WASF3: variants seen among roughly 807,000 people sequenced by gnomAD.
WASF3 encodes the protein WASP family member 3.
A neutral mutation model predicts 46.6 loss-of-function variants in WASF3; 11 were observed. That is an observed-to-expected ratio of 0.24 (90% CI 0.15 to 0.39). The LOEUF (loss-of-function observed/expected upper bound fraction) is 0.39. WASF3 is among the 10% of genes least tolerant of loss of function. The probability of loss-of-function intolerance (pLI) is 1.00; values close to 1 mark genes in which losing one functional copy is unlikely to be tolerated. For missense variants in WASF3, 576 were observed against 669.8 expected (o/e 0.86, Z 1.55); for synonymous variants, 242 against 259.7 (o/e 0.93, Z 0.65).
rs148741202 is a variant in WASF3 at position 26,607,864 on chromosome 13, A to G, written c.-108-5097A>G. On this transcript the variant is annotated intron_variant, in intron 1 of 9. Coordinates refer to ENST00000335327, the MANE Select transcript of WASF3 (RefSeq NM_006646.6). ...TTGCCCAGGCTGGTCTCAAACTCCT[A>G]GGCTTAAGAGATAATCCTACCTAGG... Among the ~76,000 whole-genome samples, 862 of 152,166 alleles carry G rather than the reference A, an allele frequency of 5.7e-3. 10 individuals are homozygous for G. Among genetic ancestry groups the G allele is most frequent in the African/African-American group, 0.02 (821 of 41,520 alleles).
intron 1 of WASF3, among the ~76,000 whole-genome samples, chr13:26,579,429 A>G (rs1368672326): frequency 1.3e-5 from 2 of 152,194 alleles, no homozygotes; most frequent in African/African-American, 2.4e-5. Flanking sequence ...TCCATGAAAT[A>G]TATAGGTGGG....
At chr13:26,680,066 A>G (rs1421898057) in intron 7 of WASF3, 1 of 1,597,708 alleles carries the variant, frequency 6.3e-7, no homozygotes, top group Non-Finnish European at 8.5e-7. Context: ...CCTAACAGAA[A>G]CCAGCAAGTA....
At position 26,570,733 on chromosome 13, in the gene WASF3, A is replaced by G. The variant is rs114965874; in HGVS notation, c.-109+12914A>G. 5.6e-3 allele frequency among the ~76,000 whole-genome samples: 857 copies of G among 152,286 alleles called. 10 individuals are homozygous for G. Among genetic ancestry groups the G allele is most frequent in the African/African-American group, 0.02 (817 of 41,568 alleles). ...TTTAGGTAGCTTCCAATATTTTGCA[A>G]TTACAGTACAAATAATGTGGCTATG... On this transcript the variant is annotated intron_variant, in intron 1 of 9. Transcript: ENST00000335327.
At chr13:26,596,578 G>T (rs544204115) in intron 1 of WASF3, among the ~76,000 whole-genome samples, 2 of 151,844 alleles carry the variant, frequency 1.3e-5, no homozygotes, top group African/African-American at 2.4e-5. Flanking sequence ...CTTTGTCTTT[G>T]GTTTTTAGCA....
chr13:26,684,912 A>C (rs529047074), intron 9 of WASF3, among the ~76,000 whole-genome samples: 13 of 152,160 alleles, frequency 8.5e-5, no homozygotes, highest in African/African-American at 3.1e-4. Flanking sequence ...GCAAGACTCT[A>C]TCTCTACAAA....
At chr13:26,628,048 G>T (rs546969868) in intron 2 of WASF3, among the ~76,000 whole-genome samples, 8 of 132,714 alleles carry the variant, frequency 6.0e-5, no homozygotes, top group African/African-American at 2.3e-4. Flanking sequence ...AATGCTGCCC[G>T]TACATGGAAA....
intron 1 of WASF3, among the ~76,000 whole-genome samples, chr13:26,586,249 T>C (rs1450590684): frequency 1.3e-5 from 2 of 151,918 alleles, no homozygotes; most frequent in Non-Finnish European, 2.9e-5. Context: ...TTTGTGTTTC[T>C]TTTCGCTCTT....
chr13:26,687,101 C>T lies in WASF3; in HGVS notation c.*1256C>T, dbSNP rs955746736. ...ACCCTTCCTGTTGTTCCCACGTGGGCAATACCAGGGACCCATGGGGAAACT... is the reference window on the plus strand; with the variant it reads ...ACCCTTCCTGTTGTTCCCACGTGGGTAATACCAGGGACCCATGGGGAAACT... On this transcript the variant is annotated 3_prime_UTR_variant, in exon 10 of 10. Transcript: ENST00000335327. 2.6e-5 allele frequency: 4 copies of T among 152,228 alleles called. No homozygotes were observed. The highest frequency in any genetic ancestry group is 4.4e-5 in the Non-Finnish European group (3 of 68,074). 9.4% of individuals were successfully genotyped at this position (152,228 alleles called of 1,614,324 possible). A position where few individuals can be genotyped will look rare whatever the true frequency, so the allele number is the denominator to read the frequency against.
chr13:26,636,943 G>T (rs537131484), intron 2 of WASF3, among the ~76,000 whole-genome samples: 46 of 152,268 alleles, frequency 3.0e-4, no homozygotes, highest in African/African-American at 1.1e-3. Flanking sequence ...CTGAGCACTG[G>T]GTCCCTCAGA....
upstream of WASF3, among the ~76,000 whole-genome samples, chr13:26,553,956 A>C (rs1314279355): frequency 6.6e-6 from 1 of 151,818 alleles, no homozygotes; most frequent in Non-Finnish European, 1.5e-5. Context: ...TTTTAATATA[A>C]AAAGTCAGGA....
intron 2 of WASF3, chr13:26,640,885 G>A (rs1199600044): frequency 6.6e-6 from 1 of 152,164 alleles, no homozygotes; most frequent in Non-Finnish European, 1.5e-5. Flanking sequence ...GTTTCAGCAG[G>A]GGAAAGCCTC....
chr13:26,585,616 G>A (rs1200946311), intron 1 of WASF3, among the ~76,000 whole-genome samples: 4 of 152,112 alleles, frequency 2.6e-5, no homozygotes, highest in Non-Finnish European at 4.4e-5. Context: ...TTGGCATAAT[G>A]CCTTTCATAT....
chr13:26,672,900 G>C (rs1378283465), intron 6 of WASF3, among the ~76,000 whole-genome samples: 7 of 152,202 alleles, frequency 4.6e-5, no homozygotes, highest in Admixed American at 4.6e-4. Context: ...CTGTGCTGTT[G>C]TAAGACACCA....
chr13:26,559,788 T>TTTTCTTTTCTTTTCTTTCTTTC (rs1555246391), intron 1 of WASF3, among the ~76,000 whole-genome samples: 24 of 80,532 alleles, frequency 3.0e-4, no homozygotes, highest in African/African-American at 9.8e-4. Context: ...TTTTCTTTTC[T>TTTTCTTTTCTTTTCTTTCTTTC]TTTCTTTCTT....
chr13:26,659,507 G>A (rs971093975), intron 3 of WASF3, among the ~76,000 whole-genome samples: 1 of 152,170 alleles, frequency 6.6e-6, no homozygotes, highest in African/African-American at 2.4e-5. Flanking sequence ...AGGAGTAACA[G>A]GATCTGAGAC....
At chr13:26,540,686 T>A in the WASF3 span, among the ~76,000 whole-genome samples, 1 of 152,342 alleles carries the variant, frequency 6.6e-6, no homozygotes, top group South Asian at 2.1e-4. Context: ...GCCAAGACCA[T>A]GTCTCTGCTC....
intron 1 of WASF3, among the ~76,000 whole-genome samples, chr13:26,591,198 G>A (rs1183504845): frequency 6.6e-6 from 1 of 151,568 alleles, no homozygotes; most frequent in Non-Finnish European, 1.5e-5. Flanking sequence ...AGGGAAGGAA[G>A]CAGGTCATGT....
upstream of WASF3, among the ~76,000 whole-genome samples, chr13:26,552,961 C>T (rs1879001781): frequency 6.6e-6 from 1 of 152,156 alleles, no homozygotes; most frequent in Admixed American, 6.5e-5. Context: ...TAAGAGGATG[C>T]CTAAGCTGCC....
intron 9 of WASF3, among the ~76,000 whole-genome samples, chr13:26,684,048 G>A (rs1206326531): frequency 6.6e-6 from 1 of 152,182 alleles, no homozygotes; most frequent in Admixed American, 6.5e-5. Flanking sequence ...TCAGCATCAG[G>A]GATGTCCTTC....
Sources: allele counts gnomAD v4.1 joint callset (sites outside exome capture counted in the v4.1 genomes callset), GRCh38; gene constraint gnomAD v4.1.1; transcripts MANE v1.5; gene names NCBI Gene and HGNC (gene_info 2026-07-23, HGNC 2026-07-21).